DNAJC1: variants seen among roughly 807,000 people sequenced by gnomAD.
DNAJC1 encodes dnaJ homolog subfamily C member 1.
In DNAJC1, 58 loss-of-function variants were observed where a neutral mutation model predicts 76.6. That is an observed-to-expected ratio of 0.76 (90% confidence interval 0.61 to 0.94). DNAJC1 has a LOEUF of 0.94. DNAJC1 is among the 40% of genes least tolerant of loss of function. The pLI, the probability that DNAJC1 is intolerant of heterozygous loss-of-function variation, is 0.00. For missense variants in DNAJC1, 689 were observed against 677.3 expected, an observed-to-expected ratio of 1.02 and a Z score of -0.19; for synonymous variants, 258 against 267.9, an observed-to-expected ratio of 0.96 and a Z score of 0.36.
intron 10 of DNAJC1, among the ~76,000 whole-genome samples, chr10:21,760,519 G>C (rs1834228364): frequency 1.3e-5 from 2 of 152,210 alleles, no homozygotes; most frequent in African/African-American, 4.8e-5. Flanking sequence ...ACAATACCCA[G>C]TGCTGGCAAA....
At chr10:21,778,012 A>AC (rs1286907730) in intron 9 of DNAJC1, among the ~76,000 whole-genome samples, 2 of 152,168 alleles carry the variant, frequency 1.3e-5, no homozygotes, top group Non-Finnish European at 2.9e-5. Context: ...ACATGGTGAA[A>AC]CCACACCTCT....
intron 1 of DNAJC1, among the ~76,000 whole-genome samples, chr10:21,993,933 C>T (rs1244302353): frequency 6.6e-6 from 1 of 152,016 alleles, no homozygotes; most frequent in African/African-American, 2.4e-5. Context: ...TTGCTACCCA[C>T]GAAGTAATAA....
intron 8 of DNAJC1, among the ~76,000 whole-genome samples, chr10:21,843,929 G>C (rs1452788251): frequency 6.6e-6 from 1 of 152,126 alleles, no homozygotes; most frequent in Non-Finnish European, 1.5e-5. Flanking sequence ...GTCAAGGGCA[G>C]GGTGAGGTGG....
chr10:21,952,716 G>A (rs150615081), intron 1 of DNAJC1, among the ~76,000 whole-genome samples: 2,445 of 152,112 alleles, frequency 0.016, 60 homozygotes, highest in African/African-American at 0.056. Flanking sequence ...CTGAGATTGC[G>A]CCACTGCACT....
chr10:21,777,263 C>A (rs1202226945), intron 9 of DNAJC1, among the ~76,000 whole-genome samples: 1 of 152,098 alleles, frequency 6.6e-6, no homozygotes, highest in Non-Finnish European at 1.5e-5. Context: ...ATTACAAATT[C>A]AGTATACTAG....
At chr10:21,832,983 G>C (rs1835385095) in intron 8 of DNAJC1, among the ~76,000 whole-genome samples, 1 of 152,102 alleles carries the variant, frequency 6.6e-6, no homozygotes, top group Non-Finnish European at 1.5e-5. Context: ...TTATTCCTTA[G>C]TTTCTGGAAT....
intron 8 of DNAJC1, among the ~76,000 whole-genome samples, chr10:21,862,024 T>C (rs1835923046): frequency 6.6e-6 from 1 of 152,082 alleles, no homozygotes; most frequent in Non-Finnish European, 1.5e-5. Flanking sequence ...GTTCAGGCAA[T>C]CCTCCTGCCT....
chr10:21,982,579 G>T (rs2131838779), intron 1 of DNAJC1, among the ~76,000 whole-genome samples: 1 of 151,944 alleles, frequency 6.6e-6, no homozygotes, highest in African/African-American at 2.4e-5. Context: ...GTGGACAAAG[G>T]ACTTCAACAG....
intron 1 of DNAJC1, among the ~76,000 whole-genome samples, chr10:21,962,273 C>G (rs1387786214): frequency 6.6e-6 from 1 of 151,854 alleles, no homozygotes; most frequent in Non-Finnish European, 1.5e-5. Flanking sequence ...TAGTAAGCAA[C>G]CAATAAATAA....
At chr10:21,950,337 G>A (rs978205076) in intron 1 of DNAJC1, among the ~76,000 whole-genome samples, 18 of 152,000 alleles carry the variant, frequency 1.2e-4, no homozygotes, top group Admixed American at 1.2e-3. Context: ...TATTACCATT[G>A]TAATTATTTT....
intron 1 of DNAJC1, among the ~76,000 whole-genome samples, chr10:22,000,123 T>G (rs1217965570): frequency 6.6e-6 from 1 of 152,152 alleles, no homozygotes; most frequent in Non-Finnish European, 1.5e-5. Flanking sequence ...TATCTTCAGT[T>G]TCTCTTTTTC....
At chr10:21,781,419 C>T (rs1834525494) in intron 9 of DNAJC1, among the ~76,000 whole-genome samples, 2 of 152,150 alleles carry the variant, frequency 1.3e-5, no homozygotes, top group Admixed American at 6.5e-5. Context: ...CAAACTAGAA[C>T]TCAGGATTAA....
At chr10:21,811,689 T>G (rs1834968803) in intron 8 of DNAJC1, among the ~76,000 whole-genome samples, 1 of 152,204 alleles carries the variant, frequency 6.6e-6, no homozygotes, top group South Asian at 2.1e-4. Flanking sequence ...TGTCTATCCA[T>G]TCTCCTATTA....
intron 8 of DNAJC1, among the ~76,000 whole-genome samples, chr10:21,871,238 G>A (rs1215350914): frequency 6.6e-6 from 1 of 151,448 alleles, no homozygotes; most frequent in Non-Finnish European, 1.5e-5. Flanking sequence ...TGGGAACCTA[G>A]AAGGCCATGT....
At chr10:21,935,807 A>G (rs1277055915) in intron 1 of DNAJC1, among the ~76,000 whole-genome samples, 2 of 152,108 alleles carry the variant, frequency 1.3e-5, no homozygotes. Context: ...GCTAGATGGT[A>G]GTAAATTAAC....
chr10:21,791,331 T>C (rs1409167618), intron 9 of DNAJC1, among the ~76,000 whole-genome samples: 1 of 152,162 alleles, frequency 6.6e-6, no homozygotes, highest in Non-Finnish European at 1.5e-5. Flanking sequence ...GGACAGATCA[T>C]TCAGACAGGA....
At chr10:21,847,641 G>A (rs1158587794) in intron 8 of DNAJC1, among the ~76,000 whole-genome samples, 1 of 152,066 alleles carries the variant, frequency 6.6e-6, no homozygotes, top group Non-Finnish European at 1.5e-5. Flanking sequence ...TTCTACCTCT[G>A]TGAGATCAAG....
intron 8 of DNAJC1, among the ~76,000 whole-genome samples, chr10:21,868,466 C>A (rs1300018701): frequency 6.6e-6 from 1 of 151,996 alleles, no homozygotes; most frequent in Non-Finnish European, 1.5e-5. Flanking sequence ...AACTGTAGTA[C>A]AGGCATACAA....
Position 21,834,715 on chromosome 10 carries a change from G to A in DNAJC1, c.979-28616C>T, listed in dbSNP as rs184733854. ...GAGGGTCCTAAGCCCATGGAGTCTC[G>A]CTCATTGCTAGCACAGCAGTCTGAG... On this transcript the variant is annotated intron_variant, in intron 8 of 11. Transcript: ENST00000376980. Among the ~76,000 whole-genome samples the A allele has an allele frequency of 4.4e-3, 666 of 152,298 alleles. 3 individuals carry two copies. Among genetic ancestry groups the A allele is most frequent in the African/African-American group, 0.015 (627 of 41,576 alleles).
Sources: gnomAD v4.1 joint callset for allele counts (sites outside exome capture counted in the v4.1 genomes callset) on GRCh38, gnomAD v4.1.1 for gene constraint, MANE v1.5 for transcripts, NCBI Gene and HGNC (gene_info 2026-07-23, HGNC 2026-07-21) for gene names.